Variants in B4GALT1 observed in about 807,000 individuals in gnomAD.
The protein encoded by B4GALT1 is N-acetyllactosamine synthase.
B4GALT1 carries 16 observed loss-of-function variants against 34.9 expected under a neutral mutation model. That is an observed-to-expected ratio of 0.46 (90% CI 0.31 to 0.70). The LOEUF is 0.70. Ranked by LOEUF, B4GALT1 falls within the 30% of genes least tolerant of loss-of-function variation. B4GALT1 has a pLI of 0.05. For synonymous variants in B4GALT1, 221 were observed against 218.1 expected, an observed-to-expected ratio of 1.01 and a Z score of -0.12; for missense variants, 445 against 530.5, an observed-to-expected ratio of 0.84 and a Z score of 1.58.
chr9:33,126,634 A>T (rs1029129703), intron 2 of B4GALT1, among the ~76,000 whole-genome samples: 1 of 152,246 alleles, frequency 6.6e-6, no homozygotes. Flanking sequence ...AACCATTGTT[A>T]ACATTGTTAA....
intron 2 of B4GALT1, among the ~76,000 whole-genome samples, chr9:33,133,350 T>A (rs1437714564): frequency 6.6e-6 from 1 of 152,212 alleles, no homozygotes; most frequent in African/African-American, 2.4e-5. Context: ...TCTACTGGCA[T>A]AGCAACTGTC....
chr9:33,152,842 C>G (rs1840541993), intron 1 of B4GALT1, among the ~76,000 whole-genome samples: 1 of 152,036 alleles, frequency 6.6e-6, no homozygotes, highest in East Asian at 1.9e-4. Context: ...CAACTGCACT[C>G]CACTCTGGGG....
chr9:33,125,495 C>T (rs1840078152), intron 2 of B4GALT1, among the ~76,000 whole-genome samples: 1 of 152,150 alleles, frequency 6.6e-6, no homozygotes, highest in African/African-American at 2.4e-5. Flanking sequence ...GGCAAGGAGA[C>T]CAGTTAGGAA....
At position 33,166,818 on chromosome 9, in the gene B4GALT1, G is replaced by A; in HGVS notation, c.352C>T (p.Pro118Ser). ...GACAGTGCGGTGGTGTGGGGCACTG[G>A]GACCGAGGTCAAGTTGCTAGCGGGG... ...PGPASNLTSV[P>S]VPHTTALSLP... The change falls in exon 1 of 6, where the codon CCA becomes TCA. Residue 118 changes from proline to serine, a missense_variant. Around this residue, in one of 3 missense-constraint regions of B4GALT1, gnomAD observed 349 missense variants for 395.5 expected, o/e 0.88. Coordinates refer to ENST00000379731, the MANE Select transcript of B4GALT1 (RefSeq NM_001497.4). The A allele has an allele frequency of 6.5e-7, 1 of 1,548,440 alleles. No individual in the cohort carries two copies. Among genetic ancestry groups the A allele is most frequent in the Non-Finnish European group, 8.7e-7 (1 of 1,152,924 alleles).
chr9:33,150,820 T>C (rs1328432918), intron 1 of B4GALT1, among the ~76,000 whole-genome samples: 1 of 152,196 alleles, frequency 6.6e-6, no homozygotes, highest in African/African-American at 2.4e-5. Flanking sequence ...ATACACAAAC[T>C]ATAAATACGT....
chr9:33,109,097 C>A (rs114872639), downstream of B4GALT1, among the ~76,000 whole-genome samples: 1,096 of 152,294 alleles, frequency 7.2e-3, 18 homozygotes, highest in African/African-American at 0.025. Flanking sequence ...AAAGACCAAG[C>A]CATGATGAGA....
intron 1 of B4GALT1, among the ~76,000 whole-genome samples, chr9:33,153,417 C>A (rs1840550832): frequency 6.6e-6 from 1 of 151,932 alleles, no homozygotes; most frequent in South Asian, 2.1e-4. Flanking sequence ...ACAAAGAGAA[C>A]AAATAATGAA....
At chr9:33,108,295 G>C (rs1370622900), downstream of B4GALT1, among the ~76,000 whole-genome samples, 1 of 151,882 alleles carries the variant, frequency 6.6e-6, no homozygotes, top group East Asian at 1.9e-4. Context: ...TGAGATCCCT[G>C]TCTCTAAAAA....
intron 1 of B4GALT1, among the ~76,000 whole-genome samples, chr9:33,151,704 A>T (rs1840519839): frequency 6.6e-6 from 1 of 152,250 alleles, no homozygotes; most frequent in African/African-American, 2.4e-5. Flanking sequence ...AGAGCTTACA[A>T]ATTACTACAG....
intron 1 of B4GALT1, among the ~76,000 whole-genome samples, chr9:33,165,374 C>T (rs61485283): frequency 0.09 from 13,656 of 152,102 alleles, 861 homozygotes; most frequent in African/African-American, 0.18. Flanking sequence ...TTGAGAAACT[C>T]GATAGCATGT....
chr9:33,123,388 A>G (rs10758188), intron 2 of B4GALT1, among the ~76,000 whole-genome samples: 73,100 of 151,866 alleles, frequency 0.48, 18,462 homozygotes, highest in African/African-American at 0.64. Context: ...TGGGGATACC[A>G]TACACAAGGC....
intron 2 of B4GALT1, among the ~76,000 whole-genome samples, chr9:33,124,466 T>C (rs957181365): frequency 2.6e-5 from 4 of 152,200 alleles, no homozygotes; most frequent in African/African-American, 4.8e-5. Context: ...GGAGAGCATG[T>C]GCATTGTATT....
the B4GALT1 span, among the ~76,000 whole-genome samples, chr9:33,184,289 A>C: frequency 2.8e-3 from 279 of 100,900 alleles, 2 homozygotes; most frequent in African/African-American, 0.01. Context: ...CACACACACA[A>C]AAACATAGGA....
intron 1 of B4GALT1, among the ~76,000 whole-genome samples, chr9:33,159,836 C>T (rs1840649401): frequency 6.6e-6 from 1 of 152,202 alleles, no homozygotes; most frequent in African/African-American, 2.4e-5. Context: ...CAACCACAGC[C>T]CCAGAGCCAC....
At chr9:33,125,262 G>C (rs1194490127) in intron 2 of B4GALT1, among the ~76,000 whole-genome samples, 1 of 152,160 alleles carries the variant, frequency 6.6e-6, no homozygotes, top group Non-Finnish European at 1.5e-5. Flanking sequence ...GAGAGCATTT[G>C]TAAAGGCGGT....
intron 4 of B4GALT1, 32 bp downstream of exon 4, chr9:33,115,957 CAG>C: frequency 6.2e-7 from 1 of 1,601,236 alleles, no homozygotes; most frequent in East Asian, 2.3e-5. Context: ...TGAAGGTTGA[CAG>C]AGGAGAAAGA....
At position 33,123,203 on chromosome 9, in the gene B4GALT1, G is replaced by A. The variant is rs187175114; in HGVS notation, c.649-2597C>T. On this transcript the variant is annotated intron_variant, in intron 2 of 5. Coordinates refer to ENST00000379731, the MANE Select transcript of B4GALT1 (RefSeq NM_001497.4). ...TGAGGCAGGAGAATCACTTGAAGCC[G>A]GGAGGTGGAGGTTGCAGTGAGCCAA... Among the ~76,000 whole-genome samples, 19 of 150,858 alleles carry A rather than the reference G, an allele frequency of 1.3e-4. No homozygotes were observed. In the South Asian group the frequency reaches 2.3e-3, roughly 18 times the overall value.
chr9:33,151,383 T>C (rs965898493), intron 1 of B4GALT1, among the ~76,000 whole-genome samples: 9 of 152,222 alleles, frequency 5.9e-5, no homozygotes, highest in African/African-American at 2.2e-4. Flanking sequence ...TTTCTGGAGC[T>C]GCGGTGCTGA....
chr9:33,171,198 G>T (rs1840837491), upstream of B4GALT1, among the ~76,000 whole-genome samples: 1 of 152,208 alleles, frequency 6.6e-6, no homozygotes, highest in Admixed American at 6.5e-5. Flanking sequence ...TTTTGCAGTT[G>T]GCTGGGCAGC....
Sources: gnomAD v4.1 joint callset for allele counts (sites outside exome capture counted in the v4.1 genomes callset) on GRCh38, gnomAD v4.1.1 for gene constraint, gnomAD v4.1.1 regional missense constraint, MANE v1.5 for transcripts, NCBI Gene and HGNC (gene_info 2026-07-23, HGNC 2026-07-21) for gene names.